Variants in CNTNAP2 observed in about 807,000 individuals in gnomAD.
CNTNAP2 encodes contactin-associated protein-like 2.
Under a neutral mutation model 155.2 loss-of-function variants are expected in CNTNAP2, and 98 were observed. The observed-to-expected ratio is 0.63, with a 90% CI of 0.54 to 0.75. CNTNAP2 has a LOEUF of 0.75. CNTNAP2 is among the 30% of genes least tolerant of loss of function. The probability of loss-of-function intolerance (pLI) is 0.00; values close to 1 mark genes in which losing one functional copy is unlikely to be tolerated. For synonymous variants in CNTNAP2, 651 were observed against 631.2 expected, an observed-to-expected ratio of 1.03 and a Z score of -0.47; for missense variants, 1,727 against 1,688.1, an observed-to-expected ratio of 1.02 and a Z score of -0.40.
At chr7:148,003,953 ATATC>A (rs1487416021) in intron 15 of CNTNAP2, among the ~76,000 whole-genome samples, 1 of 152,220 alleles carries the variant, frequency 6.6e-6, no homozygotes, top group Admixed American at 6.5e-5. Flanking sequence ...GATAACAAAA[ATATC>A]TATTACAACT....
chr7:146,822,685 A>T (rs923948266), intron 2 of CNTNAP2, among the ~76,000 whole-genome samples: 1 of 146,930 alleles, frequency 6.8e-6, no homozygotes, highest in South Asian at 2.1e-4. Flanking sequence ...TCTTAAGCAT[A>T]TTTATATATA....
At chr7:147,548,924 G>T (rs1253080591) in intron 11 of CNTNAP2, among the ~76,000 whole-genome samples, 1 of 152,100 alleles carries the variant, frequency 6.6e-6, no homozygotes, top group Non-Finnish European at 1.5e-5. Context: ...GTAGATGTAT[G>T]GTGTTATTTC....
intron 13 of CNTNAP2, among the ~76,000 whole-genome samples, chr7:147,754,290 T>C (rs114789755): frequency 0.012 from 1,851 of 152,330 alleles, 45 homozygotes; most frequent in African/African-American, 0.042. Flanking sequence ...AAGGCACCAA[T>C]TCATCATCAT....
intron 1 of CNTNAP2, among the ~76,000 whole-genome samples, chr7:146,515,840 C>T (rs928219772): frequency 1.8e-4 from 27 of 152,090 alleles, no homozygotes; most frequent in African/African-American, 5.3e-4. Flanking sequence ...CCAAGAAATC[C>T]AGAGTGAAAT....
chr7:146,580,102 T>C (rs1007254558), intron 1 of CNTNAP2, among the ~76,000 whole-genome samples: 1 of 152,170 alleles, frequency 6.6e-6, no homozygotes, highest in Admixed American at 6.6e-5. Flanking sequence ...ACAGCATGAC[T>C]TTTTTATTAA....
chr7:147,918,662 T>G (rs1452879983), intron 14 of CNTNAP2, among the ~76,000 whole-genome samples: 1 of 152,096 alleles, frequency 6.6e-6, no homozygotes, highest in Non-Finnish European at 1.5e-5. Context: ...AATTACTACC[T>G]TTTTTCATCA....
At chr7:147,677,869 G>T (rs185573036) in intron 13 of CNTNAP2, among the ~76,000 whole-genome samples, 1 of 151,630 alleles carries the variant, frequency 6.6e-6, no homozygotes. Flanking sequence ...TTGTCTCATT[G>T]TTCTACACGT....
At chr7:147,952,682 A>G (rs1800956375) in intron 14 of CNTNAP2, among the ~76,000 whole-genome samples, 1 of 152,168 alleles carries the variant, frequency 6.6e-6, no homozygotes, top group Non-Finnish European at 1.5e-5. Context: ...CATGTTGATG[A>G]AGTATAAATA....
rs1274377374 is a variant in CNTNAP2, at chr7:147,981,010, T to C, written c.2383+3021T>C. ...TAGAGTGTTCCGTATCAACTGCATT[T>C]TCCAGTTTTTATACATATGTGATCT... On this transcript the variant is annotated intron_variant, in intron 15 of 23. Coordinates refer to ENST00000361727, the MANE Select transcript of CNTNAP2 (RefSeq NM_014141.6). Among the ~76,000 whole-genome samples the C allele has an allele frequency of 2.0e-5, 3 of 151,956 alleles. No homozygotes were observed. The East Asian group carries it at 5.8e-4, about 29-fold the overall frequency.
intron 3 of CNTNAP2, among the ~76,000 whole-genome samples, chr7:146,935,347 A>G (rs1796890599): frequency 6.6e-6 from 1 of 152,230 alleles, no homozygotes; most frequent in South Asian, 2.1e-4. Context: ...ACTTATATGT[A>G]GATAACCTTA....
At chr7:146,504,874 T>A (rs1004824669) in intron 1 of CNTNAP2, among the ~76,000 whole-genome samples, 6 of 152,214 alleles carry the variant, frequency 3.9e-5, no homozygotes, top group Non-Finnish European at 8.8e-5. Flanking sequence ...CCAGCCTTGA[T>A]GTGGTCACCT....
At chr7:146,226,113 C>T (rs1038803105) in intron 1 of CNTNAP2, among the ~76,000 whole-genome samples, 6 of 152,134 alleles carry the variant, frequency 3.9e-5, no homozygotes, top group African/African-American at 1.4e-4. Context: ...TAGATGGTTT[C>T]ACTGTCCGAT....
chr7:146,354,068 G>A (rs1178797364), intron 1 of CNTNAP2, among the ~76,000 whole-genome samples: 7 of 152,006 alleles, frequency 4.6e-5, no homozygotes, highest in African/African-American at 7.3e-5. Flanking sequence ...TACACTCAAC[G>A]AGATAATCTG....
intron 1 of CNTNAP2, among the ~76,000 whole-genome samples, chr7:146,572,540 C>T (rs1048383507): frequency 2.0e-5 from 3 of 152,078 alleles, no homozygotes; most frequent in East Asian, 3.9e-4. Flanking sequence ...CAGGAAAGTG[C>T]GCATATTTGC....
intron 21 of CNTNAP2, among the ~76,000 whole-genome samples, chr7:148,300,951 G>A (rs1267454896): frequency 6.6e-6 from 1 of 152,052 alleles, no homozygotes; most frequent in African/African-American, 2.4e-5. Flanking sequence ...GGTGGTGATG[G>A]TGCACAACAA....
At chr7:147,493,298 G>A (rs1022534492) in intron 11 of CNTNAP2, among the ~76,000 whole-genome samples, 2 of 152,106 alleles carry the variant, frequency 1.3e-5, no homozygotes, top group Non-Finnish European at 2.9e-5. Context: ...CTTTCTAATC[G>A]AGATATGGTA....
intron 1 of CNTNAP2, among the ~76,000 whole-genome samples, chr7:146,684,911 A>G (rs897127929): frequency 1.3e-5 from 2 of 152,134 alleles, no homozygotes; most frequent in Admixed American, 1.3e-4. Context: ...TGGCTTTCAG[A>G]TGGTGTCAAT....
intron 21 of CNTNAP2, among the ~76,000 whole-genome samples, chr7:148,331,764 T>TGGATGGATGGAGA (rs1798027840): frequency 7.4e-6 from 1 of 135,794 alleles, no homozygotes; most frequent in African/African-American, 2.8e-5. Context: ...ACGGATGGAT[T>TGGATGGATGGAGA]GGATGGATGG....
chr7:146,526,748 G>A (rs1797697194), intron 1 of CNTNAP2, among the ~76,000 whole-genome samples: 1 of 152,136 alleles, frequency 6.6e-6, no homozygotes, highest in African/African-American at 2.4e-5. Flanking sequence ...AGACAGTGTA[G>A]GCTGAATTGT....
Sources: allele counts gnomAD v4.1 joint callset (sites outside exome capture counted in the v4.1 genomes callset), GRCh38; gene constraint gnomAD v4.1.1; transcripts MANE v1.5; gene names NCBI Gene and HGNC (gene_info 2026-07-23, HGNC 2026-07-21).